Variants in TSPAN8 observed in about 807,000 individuals in gnomAD.
TSPAN8 encodes tetraspanin-8.
Under a neutral mutation model 32.8 loss-of-function variants are expected in TSPAN8, and 21 were observed. That is an observed-to-expected ratio of 0.64 (90% CI 0.45 to 0.92). The LOEUF (loss-of-function observed/expected upper bound fraction) is 0.92, where lower values mean the gene tolerates loss of function less well. TSPAN8 is among the 40% of genes least tolerant of loss of function. TSPAN8 has a pLI of 0.00. For synonymous variants in TSPAN8, 95 were observed against 94.6 expected (o/e 1.00, Z -0.03); for missense variants, 269 against 281.9 (o/e 0.95, Z 0.33).
chr12:71,129,212 C>T lies in TSPAN8; in HGVS notation c.660+119G>A, dbSNP rs1592398270. The T allele has an allele frequency of 8.1e-6, 9 of 1,108,638 alleles. No homozygotes were observed. In the East Asian group the frequency reaches 1.5e-4, roughly 19 times the overall value. 68.7% of individuals were successfully genotyped at this position (1,108,638 alleles called of 1,614,324 possible). On this transcript the variant is annotated intron_variant, in intron 8 of 8. Transcript: ENST00000247829. ...ATCCAGTGCTTTTCTAAAGCATCTG[C>T]GTTTTTTATGGTTGTTGTGGTTTTT...
chr12:71,157,750 C>A lies in TSPAN8; in HGVS notation c.-72G>T. On this transcript the variant is annotated 5_prime_UTR_variant, in exon 2 of 9. Transcript: ENST00000247829. ...TTACAGGCTTGTCCTGCAATATGCT[C>A]TGGAGCAACTTGCCTGCAGAGATTT... 1.7e-6 allele frequency: 2 copies of A among 1,183,404 alleles called. No individual in the cohort carries two copies. The highest frequency in any genetic ancestry group is 2.5e-5 in the South Asian group (2 of 80,696). 73.3% of individuals were successfully genotyped at this position (1,183,404 alleles called of 1,614,324 possible). A position where few individuals can be genotyped will look rare whatever the true frequency, so the allele number is the denominator to read the frequency against.
At chr12:71,129,565 T>C in intron 7 of TSPAN8, 151 bp from the exon 8 acceptor site, 1 of 896,092 alleles carries the variant, frequency 1.1e-6, no homozygotes, top group East Asian at 3.3e-5. Context: ...CACTCCCTGC[T>C]TCACCTTTGC....
At chr12:71,149,616 A>T (rs1872184434) in intron 2 of TSPAN8, among the ~76,000 whole-genome samples, 1 of 152,248 alleles carries the variant, frequency 6.6e-6, no homozygotes. Context: ...AGCGGAACAT[A>T]AATTGTGAAG....
chr12:71,145,121 G>A (rs2137056667), intron 2 of TSPAN8, among the ~76,000 whole-genome samples: 1 of 152,132 alleles, frequency 6.6e-6, no homozygotes, highest in African/African-American at 2.4e-5. Context: ...AAATGTCCTT[G>A]GAGCATCATT....
At chr12:71,128,714 C>T (rs1309843533) in intron 8 of TSPAN8, among the ~76,000 whole-genome samples, 2 of 149,474 alleles carry the variant, frequency 1.3e-5, no homozygotes, top group Non-Finnish European at 3.0e-5. Context: ...GGATATTTTT[C>T]CAACATCAAT....
In TSPAN8 at chr12:71,141,487, C is replaced by T. The variant is rs552934661; in HGVS notation, c.124-1639G>A. ...AAACCCTATGAGAGGATGGAAGCCT[C>T]GCTAGCTGGGTTATCAGAACTTAGA... On this transcript the variant is annotated intron_variant, in intron 3 of 8. Transcript: ENST00000247829. 7.9e-5 allele frequency among the ~76,000 whole-genome samples: 12 copies of T among 152,140 alleles called. No individual in the cohort carries two copies. The South Asian group carries it at 2.3e-3, about 29-fold the overall frequency.
At chr12:71,129,444 CCT>C (rs762668771) in intron 7 of TSPAN8, 30 bp from the exon 8 acceptor site, 2 of 1,534,378 alleles carry the variant, frequency 1.3e-6, no homozygotes, top group South Asian at 2.5e-5. Flanking sequence ...TTAAAAGTTA[CCT>C]CTCAGAAAAA....
At chr12:71,140,764 A>T (rs1041487517) in intron 3 of TSPAN8, among the ~76,000 whole-genome samples, 3 of 152,190 alleles carry the variant, frequency 2.0e-5, no homozygotes, top group African/African-American at 7.2e-5. Context: ...AATCACAATT[A>T]AAAAGTAAAG....
rs1313763450 is a variant in TSPAN8 at position 71,132,966 on chromosome 12, T to C, written c.445-142A>G. 7 of 1,002,270 alleles carry C rather than the reference T, an allele frequency of 7.0e-6. No homozygotes were observed. The East Asian group carries it at 1.4e-4, about 20-fold the overall frequency. The allele number at this position is 1,002,270 out of a possible 1,614,324, so 62.1% of individuals were successfully genotyped here. On this transcript the variant is annotated intron_variant, in intron 6 of 8. Coordinates refer to ENST00000247829, the MANE Select transcript of TSPAN8 (RefSeq NM_004616.3). ...GTAAGTCACCTTTCACCTTTCTCTGTGTAGAAGTAAAAATTAAGGATTTTT... is the reference window on the plus strand; with the variant it reads ...GTAAGTCACCTTTCACCTTTCTCTGCGTAGAAGTAAAAATTAAGGATTTTT...
In TSPAN8 at chr12:71,137,986, T is replaced by C. The variant is rs145834149; in HGVS notation, c.411A>G (p.Gln137=). The change falls in exon 6 of 9, where the codon CAA becomes CAG. Residue 137 remains glutamine, a synonymous_variant. Transcript: ENST00000247829. ...GAAACACAATTATGGCTTCCTGGAA[T>C]TGTTTTTCACTTTCCCCTGTGGCGC... ...LLSATGESEK[Q]FQEAIIVFQE... 1.6e-5 allele frequency: 26 copies of C among 1,613,728 alleles called. No individual in the cohort carries two copies. The highest frequency in any genetic ancestry group is 2.2e-5 in the Non-Finnish European group (26 of 1,179,966).
At chr12:71,148,726 C>T (rs1033154875) in intron 2 of TSPAN8, among the ~76,000 whole-genome samples, 1 of 152,150 alleles carries the variant, frequency 6.6e-6, no homozygotes, top group Non-Finnish European at 1.5e-5. Flanking sequence ...GAAAGCTTAT[C>T]AGTTTGGGAT....
chr12:71,149,276 G>A (rs1422947295), intron 2 of TSPAN8, among the ~76,000 whole-genome samples: 1 of 151,716 alleles, frequency 6.6e-6, no homozygotes. Context: ...GCTGAGGCAG[G>A]AGAATTGCTT....
At chr12:71,138,356 C>T in intron 4 of TSPAN8, 126 bp from the exon 5 acceptor site, 1 of 922,348 alleles carries the variant, frequency 1.1e-6, no homozygotes, top group Non-Finnish European at 1.6e-6. Context: ...TCACACTCTT[C>T]ATTTATTCCA....
At chr12:71,131,815 C>T (rs543282960) in intron 7 of TSPAN8, among the ~76,000 whole-genome samples, 1 of 151,986 alleles carries the variant, frequency 6.6e-6, no homozygotes, top group African/African-American at 2.4e-5. Context: ...CTGAACCCCA[C>T]AGACTAAGTG....
chr12:71,125,192 A>G lies in TSPAN8; in HGVS notation c.*142T>C. On this transcript the variant is annotated 3_prime_UTR_variant, in exon 9 of 9. Transcript: ENST00000247829. The stretch of plus-strand genomic sequence containing the variant: ...CTTAAATGTGTTCAATATGTCTAGA[A>G]GATATCTGTGGTCTAGCTAGCCGAG... The G allele has an allele frequency of 1.6e-6, 1 of 643,902 alleles. No homozygotes were observed. Among genetic ancestry groups the G allele is most frequent in the East Asian group, 2.6e-5 (1 of 38,478 alleles). 39.9% of individuals were successfully genotyped at this position (643,902 alleles called of 1,614,324 possible). A position where few individuals can be genotyped will look rare whatever the true frequency, so the allele number is the denominator to read the frequency against.
At chr12:71,129,830 C>G (rs1252338526) in intron 7 of TSPAN8, among the ~76,000 whole-genome samples, 2 of 151,952 alleles carry the variant, frequency 1.3e-5, no homozygotes, top group Non-Finnish European at 2.9e-5. Flanking sequence ...GCTGATACCA[C>G]CTTGACTAAG....
At chr12:71,142,825 GGAGA>G (rs1392673146) in intron 3 of TSPAN8, among the ~76,000 whole-genome samples, 1 of 136,456 alleles carries the variant, frequency 7.3e-6, no homozygotes, top group East Asian at 2.1e-4. Flanking sequence ...AAGAACAACA[GGAGA>G]GAGAGAGAGG....
At chr12:71,140,432 G>C (rs1051631760) in intron 3 of TSPAN8, among the ~76,000 whole-genome samples, 36 of 152,296 alleles carry the variant, frequency 2.4e-4, no homozygotes, top group African/African-American at 7.2e-4. Context: ...TAACTGAAAA[G>C]GGACATGAGG....
chr12:71,126,601 A>C (rs1001178500), intron 8 of TSPAN8, among the ~76,000 whole-genome samples: 8 of 152,162 alleles, frequency 5.3e-5, no homozygotes, highest in African/African-American at 1.9e-4. Flanking sequence ...GAGATTTGTC[A>C]TTTTATAATG....
Sources: gnomAD v4.1 joint callset for allele counts (sites outside exome capture counted in the v4.1 genomes callset) on GRCh38, gnomAD v4.1.1 for gene constraint, MANE v1.5 for transcripts, NCBI Gene and HGNC (gene_info 2026-07-23, HGNC 2026-07-21) for gene names.